Variants in DPP6 observed in about 807,000 individuals in gnomAD.
The protein encoded by DPP6 is dipeptidyl peptidase like 6, also known as A-type potassium channel modulatory protein DPP6.
Under a neutral mutation model 122.6 loss-of-function variants are expected in DPP6, and 69 were observed. The observed-to-expected ratio is 0.56, with a 90% CI of 0.46 to 0.69. The LOEUF is 0.69. DPP6 is among the 30% of genes least tolerant of loss of function. The pLI, the probability that DPP6 is intolerant of heterozygous loss-of-function variation, is 0.00. For missense variants in DPP6, 928 were observed against 1,116.9 expected, an observed-to-expected ratio of 0.83 and a Z score of 2.41; for synonymous variants, 418 against 433.1, an observed-to-expected ratio of 0.97 and a Z score of 0.43.
the DPP6 span, among the ~76,000 whole-genome samples, chr7:153,783,502 T>G: frequency 6.6e-6 from 1 of 152,180 alleles, no homozygotes; most frequent in African/African-American, 2.4e-5. Flanking sequence ...GAGATTTGGG[T>G]GGGGACAGAG....
chr7:154,225,586 T>G (rs564677752), intron 1 of DPP6, among the ~76,000 whole-genome samples: 3 of 152,058 alleles, frequency 2.0e-5, no homozygotes, highest in Non-Finnish European at 4.4e-5. Context: ...AAAAAAAATC[T>G]CATTGGTTTG....
At position 154,627,000 on chromosome 7, in the gene DPP6, C is replaced by CTTTTTT. The variant is rs552919287; in HGVS notation, c.628-10795_628-10790dup. ...ATCTGGGGTCCATTAGAAATTTTTTCTTTTTTTTTTTTTTTTTTTTTTTTT... is the reference window on the plus strand; with the variant it reads ...ATCTGGGGTCCATTAGAAATTTTTTCTTTTTTTTTTTTTTTTTTTTTTTTTTTTTTT... On this transcript the variant is annotated intron_variant, in intron 5 of 25. Coordinates refer to ENST00000377770, the MANE Select transcript of DPP6 (RefSeq NM_130797.4). 1.5e-3 allele frequency among the ~76,000 whole-genome samples: 79 copies of CTTTTTT among 52,120 alleles called. 6 individuals are homozygous for CTTTTTT. Among genetic ancestry groups the CTTTTTT allele is most frequent in the East Asian group, 3.8e-3 (5 of 1,304 alleles). 34.2% of individuals were successfully genotyped at this position (52,120 alleles called of 152,430 possible).
At chr7:153,855,673 G>C in the DPP6 span, among the ~76,000 whole-genome samples, 11 of 152,026 alleles carry the variant, frequency 7.2e-5, no homozygotes, top group African/African-American at 2.7e-4. Context: ...GTGTACTTCT[G>C]TGTGTGTTTG....
intron 5 of DPP6, among the ~76,000 whole-genome samples, chr7:154,631,946 A>T (rs1835432876): frequency 6.6e-6 from 1 of 152,190 alleles, no homozygotes; most frequent in African/African-American, 2.4e-5. Flanking sequence ...TTAAGCAGTG[A>T]ACAATTTGCA....
chr7:154,139,829 AT>A (rs1261300646), intron 1 of DPP6, among the ~76,000 whole-genome samples: 1 of 152,124 alleles, frequency 6.6e-6, no homozygotes, highest in Non-Finnish European at 1.5e-5. Context: ...TCTCTTTTGC[AT>A]TTCTTTCTTC....
intron 1 of DPP6, among the ~76,000 whole-genome samples, chr7:154,130,306 G>A (rs934717614): frequency 6.6e-6 from 1 of 151,932 alleles, no homozygotes; most frequent in African/African-American, 2.4e-5. Context: ...GGTCTCGATG[G>A]GACTTTGAAA....
chr7:154,042,654 G>A (rs1217690993), intron 1 of DPP6, among the ~76,000 whole-genome samples: 3 of 152,188 alleles, frequency 2.0e-5, no homozygotes, highest in Admixed American at 6.5e-5. Context: ...AAAAGTCACC[G>A]AATCTGTGAC....
chr7:154,590,556 T>C (rs979910669), intron 5 of DPP6, among the ~76,000 whole-genome samples: 2 of 149,614 alleles, frequency 1.3e-5, no homozygotes, highest in Non-Finnish European at 3.0e-5. Flanking sequence ...TTGTTTGATA[T>C]GGAGTTTAAC....
chr7:154,861,536 A>T (rs1256571364), intron 17 of DPP6, among the ~76,000 whole-genome samples: 1 of 152,132 alleles, frequency 6.6e-6, no homozygotes, highest in Non-Finnish European at 1.5e-5. Context: ...TCCTAACGTC[A>T]TTTAATCTTG....
At chr7:153,949,495 C>T (rs981142988) in intron 1 of DPP6, among the ~76,000 whole-genome samples, 2 of 152,122 alleles carry the variant, frequency 1.3e-5, no homozygotes, top group African/African-American at 4.8e-5. Context: ...GCTACTTTTT[C>T]GTGCCTCATG....
intron 1 of DPP6, among the ~76,000 whole-genome samples, chr7:153,893,250 G>C (rs1004616188): frequency 6.6e-6 from 1 of 152,160 alleles, no homozygotes; most frequent in Non-Finnish European, 1.5e-5. Context: ...CTTCCCTGTT[G>C]CACAGCCATC....
chr7:153,902,412 T>C (rs1027149837), intron 1 of DPP6, among the ~76,000 whole-genome samples: 1 of 152,174 alleles, frequency 6.6e-6, no homozygotes, highest in Non-Finnish European at 1.5e-5. Flanking sequence ...AGACAGGGGT[T>C]CTGTCTCCCT....
intron 16 of DPP6, among the ~76,000 whole-genome samples, chr7:154,813,468 A>G (rs1057486041): frequency 6.6e-6 from 1 of 152,170 alleles, no homozygotes; most frequent in Non-Finnish European, 1.5e-5. Context: ...TTCGAATACA[A>G]TATATAAATA....
chr7:154,745,505 A>G (rs1157015694), intron 8 of DPP6, among the ~76,000 whole-genome samples: 2 of 152,214 alleles, frequency 1.3e-5, no homozygotes, highest in East Asian at 1.9e-4. Context: ...AGAATGCTCA[A>G]TGGACACAGG....
Position 153,942,524 on chromosome 7 carries a change from G to A in DPP6, c.51+54790G>A, listed in dbSNP as rs533291969. ...GGACGGAGGAGCTTCCTGAGGTGGA[G>A]AGGAGGTCAGTAATGGGGAGGAGAG... is the stretch of plus-strand genomic sequence containing the variant. On this transcript the variant is annotated intron_variant, in intron 1 of 25. Coordinates refer to the DPP6 transcript ENST00000404039. 1.4e-3 allele frequency among the ~76,000 whole-genome samples: 214 copies of A among 152,294 alleles called. 2 individuals are homozygous for A. The highest frequency in any genetic ancestry group is 4.5e-3 in the African/African-American group (188 of 41,558).
At chr7:154,188,132 G>A (rs949571819) in intron 1 of DPP6, among the ~76,000 whole-genome samples, 2 of 152,008 alleles carry the variant, frequency 1.3e-5, no homozygotes, top group Admixed American at 1.3e-4. Flanking sequence ...GGAGTGGAAG[G>A]CAGCACCTCA....
intron 1 of DPP6, among the ~76,000 whole-genome samples, chr7:153,946,430 T>C (rs1316389303): frequency 1.3e-5 from 2 of 152,072 alleles, no homozygotes; most frequent in Non-Finnish European, 2.9e-5. Context: ...ATGGTGCCGG[T>C]GGGAGTGTCT....
At chr7:153,756,232 G>A in the DPP6 span, among the ~76,000 whole-genome samples, 30 of 151,288 alleles carry the variant, frequency 2.0e-4, no homozygotes, top group African/African-American at 4.9e-4. Flanking sequence ...GGTATCTGTC[G>A]TTTTCCACAT....
chr7:154,516,607 C>G (rs1256068788), intron 3 of DPP6, among the ~76,000 whole-genome samples: 1 of 152,198 alleles, frequency 6.6e-6, no homozygotes, highest in Non-Finnish European at 1.5e-5. Context: ...GAGTAGGACT[C>G]TATCCTCTGA....
Sources: gnomAD v4.1 joint callset for allele counts (sites outside exome capture counted in the v4.1 genomes callset) on GRCh38, gnomAD v4.1.1 for gene constraint, MANE v1.5 for transcripts, NCBI Gene and HGNC (gene_info 2026-07-23, HGNC 2026-07-21) for gene names.